The following SLC35G3 variants were observed in gnomAD, a reference collection of about 807,000 sequenced individuals.
SLC35G3 encodes the protein acyl-malonyl-condensing enzyme 1.
A neutral mutation model predicts 17.9 loss-of-function variants in SLC35G3; 10 were observed. That is an observed-to-expected ratio of 0.56 (90% CI 0.34 to 0.95). SLC35G3 has a LOEUF of 0.95. Among genes scored for constraint, SLC35G3 ranks in the 40% least tolerant of loss-of-function variants. The pLI is 0.02. For missense variants in SLC35G3, 384 were observed against 433.6 expected (o/e 0.89, Z 1.02); for synonymous variants, 208 against 197.7 (o/e 1.05, Z -0.44).
Position 35,193,576 on chromosome 17 carries a change from G to C in SLC35G3, c.732C>G (p.Pro244=), listed in dbSNP as rs530323648. ...AACTCAGGAGGTCACTGGGCAACAC[G>C]GGGGCCTGCAGCACAAAGAGGCCTG... ...SVPGLFVLQA[P]VLPSDLLSWS... Residue 244 remains proline, a synonymous_variant, in exon 1 of 1, where the codon CCC becomes CCG. Transcript: ENST00000297307. 1.9e-6 allele frequency: 3 copies of C among 1,611,998 alleles called. No individual in the cohort carries two copies. The South Asian group carries it at 3.3e-5, about 18-fold the overall frequency.
rs61755898 is a variant in SLC35G3, at chr17:35,193,644, C to T, written c.664G>A (p.Val222Met). The change falls in exon 1 of 1, where the codon GTG becomes ATG. Residue 222 changes from valine to methionine, a missense_variant. By Grantham distance (21) the Val-to-Met change is conservative. Coordinates refer to ENST00000297307, the MANE Select transcript of SLC35G3 (RefSeq NM_152462.2). ...CCCACCAAGCCAGATAGGAAGGCCA[C>T]TGTTGGGAGGCAGGGGGGAAAGTGC... Reference protein sequence around the residue: ...SLHFPPCLPTVAFLSGLVGLL... With the variant: ...SLHFPPCLPTMAFLSGLVGLL... 5.9e-3 allele frequency: 9,524 copies of T among 1,612,020 alleles called. 216 individuals are homozygous for T. The East Asian group carries it at 0.066, about 11-fold the overall frequency.
Position 35,193,596 on chromosome 17 carries a change from G to T in SLC35G3, c.712C>A (p.Leu238Ile). ...LVGLLGSVPG[L>I]FVLQAPVLPS... ...AACACGGGGGCCTGCAGCACAAAGA[G>T]GCCTGGCACAGAGCCCAGCAGCCCC... The change falls in exon 1 of 1, where the codon CTC (leucine) becomes ATC (isoleucine). Residue 238 changes from leucine (L) to isoleucine (I), a missense_variant. Physicochemically the swap from Leu to Ile is conservative, Grantham distance 5. Coordinates refer to ENST00000297307, the MANE Select transcript of SLC35G3 (RefSeq NM_152462.2). 1 of 1,612,046 alleles carries T rather than the reference G, an allele frequency of 6.2e-7. No homozygotes were observed. Among genetic ancestry groups the T allele is most frequent in the South Asian group, 1.1e-5 (1 of 90,986 alleles).
Position 35,193,095 on chromosome 17 carries a change from C to T in SLC35G3, c.*196G>A. On this transcript the variant is annotated 3_prime_UTR_variant, in exon 1 of 1. Coordinates refer to ENST00000297307, the MANE Select transcript of SLC35G3 (RefSeq NM_152462.2). The stretch of plus-strand genomic sequence containing the variant: ...ATTCTAGGACCCAGCCTGGACTCCA[C>T]ATCCCTTGGTCCCAGGCTGGCCCCA... The T allele has an allele frequency of 3.9e-6, 4 of 1,023,314 alleles. No homozygotes were observed. The highest frequency in any genetic ancestry group is 5.6e-6 in the Non-Finnish European group (4 of 708,952). 63.4% of individuals were successfully genotyped at this position (1,023,314 alleles called of 1,614,324 possible). A position where few individuals can be genotyped will look rare whatever the true frequency, so the allele number is the denominator to read the frequency against.
Position 35,194,023 on chromosome 17 carries a change from C to T in SLC35G3, c.285G>A (p.Leu95=). The change falls in exon 1 of 1, where the codon CTG becomes CTA. Residue 95 remains leucine, a synonymous_variant. Coordinates refer to ENST00000297307, the MANE Select transcript of SLC35G3 (RefSeq NM_152462.2). ...CCCGGCTTCGGATGTCAGGAGTTCC[C>T]AGAAGGGGGTCGCCACGCAGTTTAA... is the stretch of plus-strand genomic sequence containing the variant. ...LLLKLRGDPL[L]GTPDIRSRAF... 1 of 1,614,010 alleles carries T rather than the reference C, an allele frequency of 6.2e-7. No individual in the cohort carries two copies. The highest frequency in any genetic ancestry group is 8.5e-7 in the Non-Finnish European group (1 of 1,179,866).
At position 35,193,848 on chromosome 17, in the gene SLC35G3, G is replaced by C; in HGVS notation, c.460C>G (p.Leu154Val). The change falls in exon 1 of 1, where the codon CTC (leucine) becomes GTC (valine). Residue 154 changes from leucine to valine, a missense_variant. Coordinates refer to ENST00000297307, the MANE Select transcript of SLC35G3 (RefSeq NM_152462.2). Reference sequence around the variant, plus strand: ...AGTCCACACCAGTCGTAGCCACTGAGACCCTGGCTCTCAAGGCAGAGAGTG... The same window carrying C: ...AGTCCACACCAGTCGTAGCCACTGACACCCTGGCTCTCAAGGCAGAGAGTG... ...VLTLCLESQG[L>V]SGYDWCGLLG... 6.2e-7 allele frequency: 1 copy of C among 1,614,012 alleles called. No homozygotes were observed. The highest frequency in any genetic ancestry group is 8.5e-7 in the Non-Finnish European group (1 of 1,179,860).
At position 35,192,998 on chromosome 17, in the gene SLC35G3, C is replaced by T; in HGVS notation, c.*293G>A. ...TCTTTGCTGCTGAGTGAAGTCCTCC[C>T]CATGGCCCACGGCCTCCCTGCCTCA... On this transcript the variant is annotated 3_prime_UTR_variant, in exon 1 of 1. Coordinates refer to ENST00000297307, the MANE Select transcript of SLC35G3 (RefSeq NM_152462.2). The T allele has an allele frequency of 1.9e-6, 1 of 535,244 alleles. No individual in the cohort carries two copies. Among genetic ancestry groups the T allele is most frequent in the East Asian group, 3.4e-5 (1 of 29,680 alleles). 33.2% of individuals were successfully genotyped at this position (535,244 alleles called of 1,614,324 possible). A position where few individuals can be genotyped will look rare whatever the true frequency, so the allele number is the denominator to read the frequency against.
rs1166585318 is a variant in SLC35G3, at chr17:35,194,029, G to C, written c.279C>G (p.Pro93=). 6.2e-7 allele frequency: 1 copy of C among 1,613,912 alleles called. No individual in the cohort carries two copies. The highest frequency in any genetic ancestry group is 1.7e-5 in the Admixed American group (1 of 60,004). The change falls in exon 1 of 1, where the codon CCC becomes CCG. Residue 93 remains proline (P), a synonymous_variant. Transcript: ENST00000297307. ...IALLLKLRGD[P]LLGTPDIRSR... ...TTCGGATGTCAGGAGTTCCCAGAAG[G>C]GGGTCGCCACGCAGTTTAAGTAGCA...
At position 35,194,245 on chromosome 17, in the gene SLC35G3, A is replaced by G. The variant is rs776812637; in HGVS notation, c.63T>C (p.Ala21=). The part of the protein sequence containing the change: ...PDSTHPSPPS[A]PPSLRWYQRC... ...GCTGGTACCAGCGGAGGCTGGGTGG[A>G]GCGGAGGGCGGCGATGGGTGTGTGG... The change falls in exon 1 of 1, where the codon GCT becomes GCC. Residue 21 remains alanine, a synonymous_variant. Transcript: ENST00000297307. 6.2e-7 allele frequency: 1 copy of G among 1,613,672 alleles called. No homozygotes were observed. The highest frequency in any genetic ancestry group is 1.7e-5 in the Admixed American group (1 of 60,004).
rs200328057 is a variant in SLC35G3, at chr17:35,193,920, C to A, written c.388G>T (p.Ala130Ser). The change falls in exon 1 of 1, where the codon GCT becomes TCT. Residue 130 changes from alanine (A) to serine (S), a missense_variant. Coordinates refer to ENST00000297307, the MANE Select transcript of SLC35G3 (RefSeq NM_152462.2). ...SAVQVVPAGN[A>S]ATVRKGSSTV... ...GAAGAACCTTTGCGAACAGTGGCAG[C>A]GTTGCCAGCGGGCACCACCTGAACC... 1.2e-6 allele frequency: 2 copies of A among 1,613,962 alleles called. No individual in the cohort carries two copies. Among genetic ancestry groups the A allele is most frequent in the South Asian group, 2.2e-5 (2 of 91,072 alleles).
At position 35,193,182 on chromosome 17, in the gene SLC35G3, C is replaced by T; in HGVS notation, c.*109G>A. On this transcript the variant is annotated 3_prime_UTR_variant, in exon 1 of 1. Coordinates refer to ENST00000297307, the MANE Select transcript of SLC35G3 (RefSeq NM_152462.2). ...GTCACCCTTGACTCTGAGAGGTATC[C>T]CTCTCCCACACCAGTTCTTTTCCAG... is the stretch of plus-strand genomic sequence containing the variant. 1 of 1,550,356 alleles carries T rather than the reference C, an allele frequency of 6.5e-7. No homozygotes were observed. Among genetic ancestry groups the T allele is most frequent in the South Asian group, 1.2e-5 (1 of 84,132 alleles).
chr17:35,192,721 A>C lies in SLC35G3; in HGVS notation c.*570T>G, dbSNP rs1443573332. ...AAGAAGTGACTGCATATGATAAAATATTTGTGCCAAAATAAATTCATGGCT... is the reference window on the plus strand; with the variant it reads ...AAGAAGTGACTGCATATGATAAAATCTTTGTGCCAAAATAAATTCATGGCT... On this transcript the variant is annotated 3_prime_UTR_variant, in exon 1 of 1. Transcript: ENST00000297307. 6.1e-6 allele frequency: 1 copy of C among 164,460 alleles called. No homozygotes were observed. Among genetic ancestry groups the C allele is most frequent in the Non-Finnish European group, 1.3e-5 (1 of 75,474 alleles). The allele number at this position is 164,460 out of a possible 1,614,324, so 10.2% of individuals were successfully genotyped here.
rs776031447 is a variant in SLC35G3 at position 35,193,661 on chromosome 17, G to A, written c.647C>T (p.Pro216Leu). 6 of 1,612,056 alleles carry A rather than the reference G, an allele frequency of 3.7e-6. No homozygotes were observed. Among genetic ancestry groups the A allele is most frequent in the Non-Finnish European group, 5.1e-6 (6 of 1,179,860 alleles). The change falls in exon 1 of 1, where the codon CCC becomes CTC. Residue 216 changes from proline (P) to leucine (L), a missense_variant. Coordinates refer to ENST00000297307, the MANE Select transcript of SLC35G3 (RefSeq NM_152462.2). The stretch of plus-strand genomic sequence containing the variant: ...GAAGGCCACTGTTGGGAGGCAGGGG[G>A]GAAAGTGCAGAGAACGATAGACCAG... ...RLLVYRSLHF[P>L]PCLPTVAFLS...
Position 35,193,430 on chromosome 17 carries a change from G to A in SLC35G3, c.878C>T (p.Ala293Val). Residue 293 changes from alanine (A) to valine (V), a missense_variant, in exon 1 of 1, where the codon GCC (alanine) becomes GTC (valine). Coordinates refer to ENST00000297307, the MANE Select transcript of SLC35G3 (RefSeq NM_152462.2). ...GAGCATATAATACTGCAGTATAAGG[G>A]CCACAACCACCTCGGAATGTAGGAC... ...CAVLHSEVVV[A>V]LILQYYMLHE... 6.2e-7 allele frequency: 1 copy of A among 1,612,004 alleles called. No homozygotes were observed. Among genetic ancestry groups the A allele is most frequent in the South Asian group, 1.1e-5 (1 of 90,990 alleles).
In SLC35G3 at chr17:35,193,758, T is replaced by C. The variant is rs374200834; in HGVS notation, c.550A>G (p.Thr184Ala). 41 of 1,612,246 alleles carry C rather than the reference T, an allele frequency of 2.5e-5. No individual in the cohort carries two copies. Among genetic ancestry groups the C allele is most frequent in the African/African-American group, 6.7e-5 (5 of 74,726 alleles). The change falls in exon 1 of 1, where the codon ACC becomes GCC. Residue 184 changes from threonine (T) to alanine (A), a missense_variant. Physicochemically the swap from Thr to Ala is moderately conservative, Grantham distance 58 (BLOSUM62 0). Transcript: ENST00000297307. Reference protein sequence around the residue: ...GPGLWTLQEGTTGVYTALGYV... With the variant: ...GPGLWTLQEGATGVYTALGYV... ...CCCAGGGCGGTGTAGACACCCGTGGTCCCCTCCTGTAGTGTCCAGAGTCCA... is the reference window on the plus strand; with the variant it reads ...CCCAGGGCGGTGTAGACACCCGTGGCCCCCTCCTGTAGTGTCCAGAGTCCA...
In SLC35G3 at chr17:35,193,684, C is replaced by T; in HGVS notation, c.624G>A (p.Leu208=). 1 of 1,611,990 alleles carries T rather than the reference C, an allele frequency of 6.2e-7. No homozygotes were observed. Among genetic ancestry groups the T allele is most frequent in the Non-Finnish European group, 8.5e-7 (1 of 1,179,848 alleles). ...LGGLALSLRL[L]VYRSLHFPPC... Reference sequence around the variant, plus strand: ...GGGGAAAGTGCAGAGAACGATAGACCAGAAGCCTCAGGGACAGCGCCAGGC... The same window carrying T: ...GGGGAAAGTGCAGAGAACGATAGACTAGAAGCCTCAGGGACAGCGCCAGGC... The change falls in exon 1 of 1, where the codon CTG becomes CTA. Residue 208 remains leucine (L), a synonymous_variant. Coordinates refer to ENST00000297307, the MANE Select transcript of SLC35G3 (RefSeq NM_152462.2).
Position 35,193,555 on chromosome 17 carries a change from C to T in SLC35G3, c.753G>A (p.Leu251=), listed in dbSNP as rs777294873. The part of the protein sequence containing the change: ...LQAPVLPSDL[L]SWSCVGAVGI... ...CCACTGCCCCCACACAACTCCAACTCAGGAGGTCACTGGGCAACACGGGGG... is the reference window on the plus strand; with the variant it reads ...CCACTGCCCCCACACAACTCCAACTTAGGAGGTCACTGGGCAACACGGGGG... Residue 251 remains leucine (L), a synonymous_variant, in exon 1 of 1, where the codon CTG becomes CTA. Coordinates refer to ENST00000297307, the MANE Select transcript of SLC35G3 (RefSeq NM_152462.2). The T allele has an allele frequency of 1.9e-6, 3 of 1,612,048 alleles. No individual in the cohort carries two copies. Among genetic ancestry groups the T allele is most frequent in the Non-Finnish European group, 2.5e-6 (3 of 1,179,874 alleles).
In SLC35G3 at chr17:35,193,522, G is replaced by A. The variant is rs540373815; in HGVS notation, c.786C>T (p.Leu262=). ...CCACACATGTGAAGGAGACCAAGGC[G>A]AGGATCCCCACTGCCCCCACACAAC... is the stretch of plus-strand genomic sequence containing the variant. ...SWSCVGAVGI[L]ALVSFTCVGY... Residue 262 remains leucine, a synonymous_variant, in exon 1 of 1, where the codon CTC becomes CTT. Coordinates refer to ENST00000297307, the MANE Select transcript of SLC35G3 (RefSeq NM_152462.2). 3.2e-5 allele frequency: 52 copies of A among 1,612,040 alleles called. 1 individual carries two copies. The highest frequency in any genetic ancestry group is 2.3e-4 in the Middle Eastern group (1 of 4,430).
In SLC35G3 at chr17:35,193,484, G is replaced by A. The variant is rs2142632658; in HGVS notation, c.824C>T (p.Thr275Ile). Residue 275 changes from threonine (T) to isoleucine (I), a missense_variant, in exon 1 of 1, where the codon ACC (threonine) becomes ATC (isoleucine). Coordinates refer to ENST00000297307, the MANE Select transcript of SLC35G3 (RefSeq NM_152462.2). ...GCACACCAGGGCAGGGTGGGCCTTG[G>A]TGACCGCATAGCCCACACATGTGAA... ...VSFTCVGYAV[T>I]KAHPALVCAV... is the part of the protein sequence containing the mutation. The A allele has an allele frequency of 6.2e-7, 1 of 1,611,996 alleles. No homozygotes were observed. The highest frequency in any genetic ancestry group is 8.5e-7 in the Non-Finnish European group (1 of 1,179,854).
rs201249043 is a variant in SLC35G3 at position 35,194,236 on chromosome 17, G to A, written c.72C>T (p.Ser24=). 5.5e-5 allele frequency: 88 copies of A among 1,613,690 alleles called. No individual in the cohort carries two copies. The highest frequency in any genetic ancestry group is 2.0e-4 in the Admixed American group (12 of 60,000). Residue 24 remains serine, a synonymous_variant, in exon 1 of 1, where the codon AGC becomes AGT. Transcript: ENST00000297307. ...GCTGGCAGCGCTGGTACCAGCGGAGGCTGGGTGGAGCGGAGGGCGGCGATG... is the reference window on the plus strand; with the variant it reads ...GCTGGCAGCGCTGGTACCAGCGGAGACTGGGTGGAGCGGAGGGCGGCGATG... ...THPSPPSAPP[S]LRWYQRCQPS... is the part of the protein sequence containing the mutation.
Sources: gnomAD v4.1 joint callset for allele counts on GRCh38, gnomAD v4.1.1 for gene constraint, MANE v1.5 for transcripts, NCBI Gene and HGNC (gene_info 2026-07-23, HGNC 2026-07-21) for gene names.